COL8A1: variants seen among roughly 807,000 people sequenced by gnomAD.
COL8A1 encodes collagen alpha-1(VIII) chain.
Under a neutral mutation model 42.7 loss-of-function variants are expected in COL8A1, and 21 were observed. That is an observed-to-expected ratio of 0.49 (90% CI 0.35 to 0.71). The LOEUF (loss-of-function observed/expected upper bound fraction) is 0.71. COL8A1 is among the 30% of genes least tolerant of loss of function. The pLI is 0.01. For missense variants in COL8A1, 788 were observed against 962.4 expected (o/e 0.82, Z 2.40); for synonymous variants, 367 against 369.1 (o/e 0.99, Z 0.06).
chr3:99,750,049 CTTTTTT>C (rs1176042144), intron 2 of COL8A1, among the ~76,000 whole-genome samples: 89 of 65,964 alleles, frequency 1.3e-3, no homozygotes, highest in South Asian at 4.3e-3. Flanking sequence ...TTTTTTTCTT[CTTTTTT>C]TTTTTTTTTT....
intron 1 of COL8A1, among the ~76,000 whole-genome samples, chr3:99,707,457 C>T (rs1460344697): frequency 6.6e-6 from 1 of 152,178 alleles, no homozygotes; most frequent in East Asian, 1.9e-4. Flanking sequence ...AGTTAGCTAA[C>T]TATTGTCCTC....
intron 2 of COL8A1, among the ~76,000 whole-genome samples, chr3:99,745,414 A>C (rs1312653594): frequency 2.0e-5 from 3 of 152,234 alleles, no homozygotes; most frequent in Non-Finnish European, 4.4e-5. Context: ...GAGGGTTTTA[A>C]GTAATAAAAG....
At chr3:99,695,703 T>A (rs1939346363) in intron 1 of COL8A1, among the ~76,000 whole-genome samples, 1 of 152,254 alleles carries the variant, frequency 6.6e-6, no homozygotes, top group African/African-American at 2.4e-5. Flanking sequence ...CATTTATTTG[T>A]TGTTTTCCTT....
chr3:99,769,080 A>C (rs1388540889), intron 2 of COL8A1, among the ~76,000 whole-genome samples: 2 of 152,224 alleles, frequency 1.3e-5, no homozygotes. Flanking sequence ...AAGAAGCTGA[A>C]ATCCTAGCTC....
At chr3:99,750,001 C>A (rs1029415623) in intron 2 of COL8A1, among the ~76,000 whole-genome samples, 5 of 145,346 alleles carry the variant, frequency 3.4e-5, no homozygotes, top group African/African-American at 1.3e-4. Context: ...AAGAATATTT[C>A]AAAATAGAAT....
At chr3:99,710,466 C>T (rs1168218408) in intron 1 of COL8A1, among the ~76,000 whole-genome samples, 1 of 152,154 alleles carries the variant, frequency 6.6e-6, no homozygotes, top group African/African-American at 2.4e-5. Flanking sequence ...ATAAAAGGGA[C>T]ATTGTTAAAC....
At chr3:99,736,695 G>T (rs1393245517) in intron 1 of COL8A1, among the ~76,000 whole-genome samples, 2 of 152,078 alleles carry the variant, frequency 1.3e-5, no homozygotes, top group East Asian at 1.9e-4. Flanking sequence ...GTGCTGAAAA[G>T]AATGTATATT....
At chr3:99,648,565 C>CA (rs779816760) in intron 1 of COL8A1, among the ~76,000 whole-genome samples, 1 of 151,722 alleles carries the variant, frequency 6.6e-6, no homozygotes, top group Admixed American at 6.6e-5. Flanking sequence ...CAAAACAAAA[C>CA]AAAAAACATC....
chr3:99,764,301 A>G (rs1490779860), intron 2 of COL8A1, among the ~76,000 whole-genome samples: 2 of 152,226 alleles, frequency 1.3e-5, no homozygotes, highest in African/African-American at 2.4e-5. Flanking sequence ...CTTAATAAAT[A>G]AAGTCCTGCT....
chr3:99,675,042 G>A (rs889014920), intron 1 of COL8A1, among the ~76,000 whole-genome samples: 3 of 152,000 alleles, frequency 2.0e-5, no homozygotes, highest in Non-Finnish European at 4.4e-5. Flanking sequence ...GTCTAACTAA[G>A]GCAGTCTAGG....
At chr3:99,684,335 A>C (rs890662926) in intron 1 of COL8A1, among the ~76,000 whole-genome samples, 2 of 152,192 alleles carry the variant, frequency 1.3e-5, no homozygotes, top group African/African-American at 4.8e-5. Context: ...AATGTGTAAA[A>C]TTGGACAAAT....
chr3:99,765,381 A>G (rs1169447777), intron 2 of COL8A1, among the ~76,000 whole-genome samples: 1 of 152,238 alleles, frequency 6.6e-6, no homozygotes, highest in Non-Finnish European at 1.5e-5. Flanking sequence ...GGTATCTAGT[A>G]GAACAGGGAA....
intron 1 of COL8A1, among the ~76,000 whole-genome samples, chr3:99,708,303 C>T (rs1277897414): frequency 1.3e-5 from 2 of 152,138 alleles, no homozygotes; most frequent in East Asian, 3.9e-4. Flanking sequence ...GAAGAAGATG[C>T]CAGATGCCTC....
At chr3:99,768,410 T>C (rs551286224) in intron 2 of COL8A1, among the ~76,000 whole-genome samples, 18 of 152,372 alleles carry the variant, frequency 1.2e-4, no homozygotes, top group African/African-American at 3.6e-4. Flanking sequence ...GTACTGTATA[T>C]GGAGAAATCT....
intron 1 of COL8A1, among the ~76,000 whole-genome samples, chr3:99,689,402 A>G (rs1004496016): frequency 2.6e-5 from 4 of 152,272 alleles, no homozygotes; most frequent in African/African-American, 9.6e-5. Context: ...AATCTCCTCA[A>G]TCTTAACCCA....
chr3:99,671,628 A>G (rs1938547944), intron 1 of COL8A1, among the ~76,000 whole-genome samples: 1 of 151,918 alleles, frequency 6.6e-6, no homozygotes, highest in Admixed American at 6.6e-5. Context: ...CCACTATTTT[A>G]CTCTGTTTCT....
At chr3:99,692,216 T>C (rs2107335890) in intron 1 of COL8A1, among the ~76,000 whole-genome samples, 1 of 152,296 alleles carries the variant, frequency 6.6e-6, no homozygotes, top group South Asian at 2.1e-4. Flanking sequence ...ACATCCATGG[T>C]ACAAGATGCT....
chr3:99,769,730 C>A (rs1382282429), intron 2 of COL8A1, among the ~76,000 whole-genome samples: 1 of 152,118 alleles, frequency 6.6e-6, no homozygotes, highest in Non-Finnish European at 1.5e-5. Context: ...ACCAGCCTGG[C>A]CAACATGGTG....
chr3:99,639,631 G>A (rs1175031488), intron 1 of COL8A1, among the ~76,000 whole-genome samples: 2 of 152,156 alleles, frequency 1.3e-5, no homozygotes, highest in African/African-American at 4.8e-5. Flanking sequence ...TTATTCCTAA[G>A]GTAGAATAAA....
Sources: allele counts gnomAD v4.1 joint callset (sites outside exome capture counted in the v4.1 genomes callset), GRCh38; gene constraint gnomAD v4.1.1; transcripts MANE v1.5; gene names NCBI Gene and HGNC (gene_info 2026-07-23, HGNC 2026-07-21).